The following ZNF804B variants were observed in gnomAD, a reference collection of about 807,000 sequenced individuals.
ZNF804B encodes the protein zinc finger 804B.
A neutral mutation model predicts 101.4 loss-of-function variants in ZNF804B; 80 were observed. The ratio of observed to expected loss-of-function variants is 0.79; its 90% CI spans 0.66 to 0.95. The LOEUF is 0.95. ZNF804B is among the 40% of genes least tolerant of loss of function. ZNF804B has a pLI of 0.00. For missense variants in ZNF804B, 1,673 were observed against 1,561.9 expected (o/e 1.07, Z -1.20); for synonymous variants, 622 against 558.8 (o/e 1.11, Z -1.59).
chr7:89,221,588 C>T (rs10275886), intron 2 of ZNF804B, among the ~76,000 whole-genome samples: 89,315 of 151,620 alleles, frequency 0.59, 26,819 homozygotes, highest in African/African-American at 0.63. Context: ...CACAGCATCC[C>T]GTGTACTCTG....
At position 88,759,856 on chromosome 7, in the gene ZNF804B, G is replaced by C. The variant is rs371369580; in HGVS notation, c.-121G>C. The C allele has an allele frequency of 1.7e-5, 13 of 765,436 alleles. No individual in the cohort carries two copies. In the East Asian group the frequency reaches 3.1e-4, roughly 18 times the overall value. 47.4% of individuals were successfully genotyped at this position (765,436 alleles called of 1,614,324 possible). ...ACGCGCTGCCACCGCCTCCCCCTGCGTCCTGCTGGCCGCGTCTTCTCGGGA... is the reference window on the plus strand; with the variant it reads ...ACGCGCTGCCACCGCCTCCCCCTGCCTCCTGCTGGCCGCGTCTTCTCGGGA... On this transcript the variant is annotated 5_prime_UTR_variant, in exon 1 of 4. Transcript: ENST00000333190.
At chr7:88,765,861 A>G (rs1789975379) in intron 1 of ZNF804B, among the ~76,000 whole-genome samples, 1 of 151,302 alleles carries the variant, frequency 6.6e-6, no homozygotes, top group Admixed American at 6.6e-5. Context: ...GTGATATACC[A>G]ATTTCCAAGT....
At chr7:89,045,729 T>G (rs1046219626) in intron 1 of ZNF804B, among the ~76,000 whole-genome samples, 1 of 152,208 alleles carries the variant, frequency 6.6e-6, no homozygotes, top group Non-Finnish European at 1.5e-5. Flanking sequence ...ACCCAATCCC[T>G]GTACCCCCAA....
At chr7:89,234,862 C>A (rs1053778309) in intron 2 of ZNF804B, among the ~76,000 whole-genome samples, 2 of 152,134 alleles carry the variant, frequency 1.3e-5, no homozygotes, top group African/African-American at 4.8e-5. Context: ...CAGACTAGGA[C>A]TGATCCATGC....
intron 1 of ZNF804B, among the ~76,000 whole-genome samples, chr7:89,001,057 G>A (rs1322232028): frequency 1.4e-5 from 2 of 147,350 alleles, no homozygotes; most frequent in East Asian, 2.0e-4. Flanking sequence ...CAGGGGTGGG[G>A]ATGGGGTTGG....
chr7:88,904,825 T>C (rs537377172), intron 1 of ZNF804B, among the ~76,000 whole-genome samples: 2 of 152,308 alleles, frequency 1.3e-5, no homozygotes, highest in South Asian at 4.1e-4. Context: ...ACAAAAGATG[T>C]GTATCAGTTC....
chr7:89,256,606 A>C (rs2115801872), intron 2 of ZNF804B, among the ~76,000 whole-genome samples: 1 of 152,258 alleles, frequency 6.6e-6, no homozygotes, highest in South Asian at 2.1e-4. Context: ...TAAACATTCT[A>C]TCACTATCAC....
In ZNF804B at chr7:89,307,423, CAT is replaced by C. The variant is rs775284068; in HGVS notation, c.250-19920_250-19919del. On this transcript the variant is annotated intron_variant, in intron 2 of 3. Transcript: ENST00000333190. ...CATTCTAAATTTGCATAAATGCACA[CAT>C]GTTTATATTCTCCTTGAATTTCATA... Among the ~76,000 whole-genome samples, 5 of 152,106 alleles carry C rather than the reference CAT, an allele frequency of 3.3e-5. No individual in the cohort carries two copies. In the East Asian group the frequency reaches 7.7e-4, roughly 23 times the overall value.
At chr7:88,955,366 C>G (rs957624046) in intron 1 of ZNF804B, among the ~76,000 whole-genome samples, 1 of 151,380 alleles carries the variant, frequency 6.6e-6, no homozygotes, top group Non-Finnish European at 1.5e-5. Context: ...CTTTTTGGAG[C>G]TGAATATTAT....
chr7:89,051,224 A>C (rs1175059112), intron 1 of ZNF804B, among the ~76,000 whole-genome samples: 3 of 152,146 alleles, frequency 2.0e-5, no homozygotes, highest in Middle Eastern at 3.2e-3. Flanking sequence ...CAGTAAAAAA[A>C]AAATTCCAGA....
At chr7:89,234,403 G>C (rs1584073948) in intron 2 of ZNF804B, among the ~76,000 whole-genome samples, 4 of 151,588 alleles carry the variant, frequency 2.6e-5, no homozygotes, top group Admixed American at 2.6e-4. Flanking sequence ...CTAACTTTAG[G>C]TATAATCTAC....
At chr7:89,015,223 A>G (rs1788527858) in intron 1 of ZNF804B, among the ~76,000 whole-genome samples, 1 of 151,856 alleles carries the variant, frequency 6.6e-6, no homozygotes, top group South Asian at 2.1e-4. Context: ...TTTTTATGCC[A>G]GTATCATTCT....
intron 2 of ZNF804B, among the ~76,000 whole-genome samples, chr7:89,311,701 A>G (rs960226875): frequency 1.3e-5 from 2 of 152,186 alleles, no homozygotes; most frequent in Non-Finnish European, 2.9e-5. Flanking sequence ...TGTGACTACT[A>G]CTACTAACTC....
chr7:88,999,760 A>G (rs1241359580), intron 1 of ZNF804B, among the ~76,000 whole-genome samples: 1 of 152,070 alleles, frequency 6.6e-6, no homozygotes, highest in Non-Finnish European at 1.5e-5. Context: ...AAAAAATACA[A>G]AGGGATAAGC....
intron 1 of ZNF804B, among the ~76,000 whole-genome samples, chr7:88,968,732 A>G (rs998172091): frequency 6.6e-6 from 1 of 151,670 alleles, no homozygotes; most frequent in African/African-American, 2.4e-5. Context: ...TAATTACAGC[A>G]TTAAGACTGG....
At chr7:89,038,956 A>C (rs6968673) in intron 1 of ZNF804B, among the ~76,000 whole-genome samples, 76,423 of 151,760 alleles carry the variant, frequency 0.5, 19,766 homozygotes, top group African/African-American at 0.54. Flanking sequence ...TTACTGATGA[A>C]CAATTGACCA....
intron 1 of ZNF804B, among the ~76,000 whole-genome samples, chr7:89,025,946 T>C (rs1788744181): frequency 6.6e-6 from 1 of 152,154 alleles, no homozygotes; most frequent in Non-Finnish European, 1.5e-5. Flanking sequence ...CTACAAGTTA[T>C]GTTTCAAACT....
intron 1 of ZNF804B, among the ~76,000 whole-genome samples, chr7:89,194,468 C>G (rs891089672): frequency 2.0e-5 from 3 of 150,916 alleles, no homozygotes; most frequent in African/African-American, 4.9e-5. Flanking sequence ...AGTCTTTAAT[C>G]CATCTTGAAT....
intron 1 of ZNF804B, among the ~76,000 whole-genome samples, chr7:88,923,901 ATTATT>A (rs1011495425): frequency 6.6e-6 from 1 of 152,154 alleles, no homozygotes; most frequent in African/African-American, 2.4e-5. Context: ...TAATTAAAAT[ATTATT>A]TTAAGCAGCC....
Sources: allele counts gnomAD v4.1 joint callset (sites outside exome capture counted in the v4.1 genomes callset), GRCh38; gene constraint gnomAD v4.1.1; transcripts MANE v1.5; gene names NCBI Gene and HGNC (gene_info 2026-07-23, HGNC 2026-07-21).